The following RAP1GAP2 variants were observed in gnomAD, a reference collection of about 807,000 sequenced individuals.
The protein encoded by RAP1GAP2 is RAP1 GTPase activating protein 2, also known as rap1 GTPase-activating protein 2.
In RAP1GAP2, 27 loss-of-function variants were observed where a neutral mutation model predicts 95.0. The ratio of observed to expected loss-of-function variants is 0.28; its 90% CI spans 0.21 to 0.39. The LOEUF (loss-of-function observed/expected upper bound fraction) is 0.39. Among genes scored for constraint, RAP1GAP2 ranks in the 10% least tolerant of loss-of-function variants. RAP1GAP2 has a pLI of 1.00. For synonymous variants in RAP1GAP2, 373 were observed against 380.9 expected (o/e 0.98, Z 0.24); for missense variants, 771 against 970.0 (o/e 0.79, Z 2.72).
chr17:2,889,680 ATTTT>A (rs66922781), intron 2 of RAP1GAP2, among the ~76,000 whole-genome samples: 3 of 108,522 alleles, frequency 2.8e-5, no homozygotes, highest in Non-Finnish European at 3.6e-5. Flanking sequence ...TCTGCGCTGG[ATTTT>A]TTTTTTTTTT....
chr17:2,968,842 T>C (rs2044726294), intron 8 of RAP1GAP2, among the ~76,000 whole-genome samples: 2 of 151,928 alleles, frequency 1.3e-5, no homozygotes, highest in Admixed American at 1.3e-4. Flanking sequence ...AGAAAAAAAT[T>C]AGAAAAGTCA....
chr17:2,795,173 C>T (rs2069038201), upstream of RAP1GAP2, among the ~76,000 whole-genome samples: 2 of 151,724 alleles, frequency 1.3e-5, no homozygotes, highest in South Asian at 2.1e-4. Flanking sequence ...CCGCCACACC[C>T]GGCCTTTCTT....
At chr17:2,989,533 A>G (rs1340143894) in intron 11 of RAP1GAP2, among the ~76,000 whole-genome samples, 1 of 152,032 alleles carries the variant, frequency 6.6e-6, no homozygotes, top group Non-Finnish European at 1.5e-5. Context: ...GGGTTTTGCC[A>G]TGTTGGCCAG....
intron 8 of RAP1GAP2, among the ~76,000 whole-genome samples, chr17:2,969,652 C>T (rs1371191059): frequency 1.3e-5 from 2 of 151,690 alleles, no homozygotes; most frequent in Admixed American, 1.3e-4. Flanking sequence ...CAGGCTCATG[C>T]CACCACACCT....
intron 2 of RAP1GAP2, among the ~76,000 whole-genome samples, chr17:2,833,145 A>AT (rs201994901): frequency 0.02 from 2,812 of 140,178 alleles, 66 homozygotes; most frequent in African/African-American, 0.062. Flanking sequence ...GTTCTTGATA[A>AT]TTTTTTTTTT....
chr17:2,900,614 G>A (rs953769297), intron 2 of RAP1GAP2, among the ~76,000 whole-genome samples: 1 of 151,958 alleles, frequency 6.6e-6, no homozygotes, highest in Admixed American at 6.6e-5. Context: ...GCTAATTTTT[G>A]TATTTTTAGT....
intron 2 of RAP1GAP2, among the ~76,000 whole-genome samples, chr17:2,828,300 C>T (rs1458328851): frequency 1.3e-5 from 2 of 152,016 alleles, no homozygotes; most frequent in East Asian, 3.9e-4. Flanking sequence ...GAGATCGCGC[C>T]ATTGCACTCC....
rs564726867 is a variant in RAP1GAP2 at position 2,977,167 on chromosome 17, T to G, written c.597-3120T>G. Among the ~76,000 whole-genome samples the G allele has an allele frequency of 2.7e-5, 4 of 150,842 alleles. No individual in the cohort carries two copies. The East Asian group carries it at 7.8e-4, about 29-fold the overall frequency. On this transcript the variant is annotated intron_variant, in intron 8 of 24. Transcript: ENST00000254695. Reference sequence around the variant, plus strand: ...AAAAGAAAAGAAAAGATACAAATAGTATTACAGCAGTAAAGGTGAGGACGC... The same window carrying G: ...AAAAGAAAAGAAAAGATACAAATAGGATTACAGCAGTAAAGGTGAGGACGC...
chr17:2,891,639 T>G (rs1242518458), intron 2 of RAP1GAP2, among the ~76,000 whole-genome samples: 7 of 151,588 alleles, frequency 4.6e-5, no homozygotes, highest in Non-Finnish European at 1.0e-4. Context: ...GTGTGAATTT[T>G]TTTGAGCTCT....
rs555444166 is a variant in RAP1GAP2, at chr17:2,813,051, G to A, written c.80+12501G>A. Reference sequence around the variant, plus strand: ...CCAGTTCCAATTAAATCTGAATGTCGGAGGGTAGAACCCAGCATCAGTACT... The same window carrying A: ...CCAGTTCCAATTAAATCTGAATGTCAGAGGGTAGAACCCAGCATCAGTACT... On this transcript the variant is annotated intron_variant, in intron 2 of 24. Coordinates refer to ENST00000254695, the MANE Select transcript of RAP1GAP2 (RefSeq NM_015085.5). Among the ~76,000 whole-genome samples, 46 of 151,444 alleles carry A rather than the reference G, an allele frequency of 3.0e-4. No homozygotes were observed. In the East Asian group the frequency reaches 6.5e-3, roughly 21 times the overall value.
intron 2 of RAP1GAP2, among the ~76,000 whole-genome samples, chr17:2,874,838 G>A (rs2073019652): frequency 6.6e-6 from 1 of 152,124 alleles, no homozygotes; most frequent in Non-Finnish European, 1.5e-5. Flanking sequence ...CTCTGGTTCT[G>A]GACCCGGTGG....
chr17:2,983,781 A>C (rs2045460148), intron 10 of RAP1GAP2, among the ~76,000 whole-genome samples: 1 of 152,176 alleles, frequency 6.6e-6, no homozygotes, highest in Non-Finnish European at 1.5e-5. Flanking sequence ...GGGACGTTCA[A>C]ATTTCAAGTC....
At chr17:2,788,774 A>G (rs2068851315) in intron 1 of RAP1GAP2, among the ~76,000 whole-genome samples, 1 of 152,178 alleles carries the variant, frequency 6.6e-6, no homozygotes, top group Non-Finnish European at 1.5e-5. Context: ...CAGGCAGAGA[A>G]TGAACTCTCC....
Position 2,796,604 on chromosome 17 carries a change from G to C in RAP1GAP2, c.44+33G>C, listed in dbSNP as rs200535152. ...ACAGGTGGGAGGGTGGGGGAATGAT[G>C]GGAGAGAACTTAGAAGTGAAGTCTT... is the stretch of plus-strand genomic sequence containing the variant. On this transcript the variant is annotated intron_variant, in intron 1 of 24. Transcript: ENST00000254695. The surrounding 1 kb of genome is among the most constrained non-coding windows in gnomAD (Gnocchi z 4.7). 9 of 1,551,604 alleles carry C rather than the reference G, an allele frequency of 5.8e-6. No homozygotes were observed. The highest frequency in any genetic ancestry group is 7.9e-6 in the Non-Finnish European group (9 of 1,146,418).
chr17:2,760,339 G>A (rs1248079162), intron 1 of RAP1GAP2, among the ~76,000 whole-genome samples: 3 of 149,172 alleles, frequency 2.0e-5, no homozygotes, highest in African/African-American at 7.4e-5. Context: ...AAATGGTCTC[G>A]TTAACTTTCA....
chr17:2,941,725 G>A (rs908965953), intron 3 of RAP1GAP2, among the ~76,000 whole-genome samples: 2 of 150,446 alleles, frequency 1.3e-5, no homozygotes, highest in Admixed American at 1.3e-4. Context: ...CTGGAGTGCA[G>A]TGGTGTGATC....
chr17:2,885,028 C>CTTTTTTTTTTTTTTTTTT (rs891984333), intron 2 of RAP1GAP2, among the ~76,000 whole-genome samples: 33 of 112,484 alleles, frequency 2.9e-4, no homozygotes, highest in Non-Finnish European at 3.6e-4. Flanking sequence ...TTATTTCTTT[C>CTTTTTTTTTTTTTTTTTT]TTTTTTTTTT....
chr17:2,941,638 A>T (rs557867834), intron 3 of RAP1GAP2, among the ~76,000 whole-genome samples: 1 of 145,994 alleles, frequency 6.8e-6, no homozygotes, highest in African/African-American at 2.5e-5. Flanking sequence ...GTGGAGGATG[A>T]GGGATCAAGA....
chr17:2,961,272 T>G (rs1259210113), intron 4 of RAP1GAP2, among the ~76,000 whole-genome samples: 1 of 149,440 alleles, frequency 6.7e-6, no homozygotes, highest in African/African-American at 2.5e-5. Flanking sequence ...CCCAGCACTT[T>G]GGGAAGCCAA....
Sources: gnomAD v4.1 joint callset for allele counts (sites outside exome capture counted in the v4.1 genomes callset) on GRCh38, gnomAD v4.1.1 for gene constraint, Gnocchi (gnomAD v3.1) non-coding constraint, MANE v1.5 for transcripts, NCBI Gene and HGNC (gene_info 2026-07-23, HGNC 2026-07-21) for gene names.